Variants in CBLN2 observed in about 807,000 individuals in gnomAD.
CBLN2 encodes the protein cerebellin-2.
In CBLN2, 7 loss-of-function variants were observed where a neutral mutation model predicts 15.0. That is an observed-to-expected ratio of 0.47 (90% CI 0.27 to 0.88). The LOEUF (loss-of-function observed/expected upper bound fraction) is 0.88. CBLN2 is among the 40% of genes least tolerant of loss of function. The pLI is 0.14. For missense variants in CBLN2, 242 were observed against 304.5 expected (o/e 0.79, Z 1.53); for synonymous variants, 149 against 135.2 (o/e 1.10, Z -0.71).
intron 1 of CBLN2, among the ~76,000 whole-genome samples, chr18:72,624,989 GA>G (rs1415783656): frequency 2.6e-5 from 4 of 151,984 alleles, no homozygotes; most frequent in Non-Finnish European, 5.9e-5. Flanking sequence ...GAAAAGTAAA[GA>G]AAAAAACAAA....
intron 1 of CBLN2, among the ~76,000 whole-genome samples, chr18:72,594,173 C>T (rs2069498335): frequency 6.6e-6 from 1 of 152,034 alleles, no homozygotes; most frequent in South Asian, 2.1e-4. Context: ...AAGAGAAATA[C>T]CTAATGTAGA....
intron 1 of CBLN2, among the ~76,000 whole-genome samples, chr18:72,579,725 C>G (rs1443089137): frequency 8.0e-6 from 1 of 125,614 alleles, no homozygotes; most frequent in African/African-American, 2.5e-5. Flanking sequence ...GAGCGAGACT[C>G]CGTCTCGCAA....
intron 1 of CBLN2, among the ~76,000 whole-genome samples, chr18:72,572,480 T>G (rs1377795519): frequency 5.3e-5 from 8 of 152,304 alleles, no homozygotes; most frequent in Non-Finnish European, 1.2e-4. Context: ...ATAATGTGAT[T>G]GTTAAAAGTT....
At chr18:72,591,776 A>C (rs2069481342) in intron 1 of CBLN2, among the ~76,000 whole-genome samples, 1 of 152,086 alleles carries the variant, frequency 6.6e-6, no homozygotes, top group Non-Finnish European at 1.5e-5. Context: ...GGTTTATTTC[A>C]CTTAACGTAA....
Position 72,538,753 on chromosome 18 carries a change from T to G in CBLN2, c.377A>C (p.Asn126Thr). 1 of 1,613,778 alleles carries G rather than the reference T, an allele frequency of 6.2e-7. No individual in the cohort carries two copies. Among genetic ancestry groups the G allele is most frequent in the Non-Finnish European group, 8.5e-7 (1 of 1,179,992 alleles). Residue 126 changes from asparagine to threonine, a missense_variant, in exon 4 of 5, where the codon AAC becomes ACC. Coordinates refer to ENST00000269503, the MANE Select transcript of CBLN2 (RefSeq NM_182511.4). The part of the protein sequence containing the change: ...YFDQVLVNIG[N>T]HFDLASSIFV... ...TATACTGGAAGCAAGATCAAAGTGG[T>G]TGCCAATATTTACTAATACCTGAAA...
intron 1 of CBLN2, among the ~76,000 whole-genome samples, chr18:72,596,510 A>C (rs1420405199): frequency 6.6e-6 from 1 of 152,156 alleles, no homozygotes; most frequent in African/African-American, 2.4e-5. Context: ...CACTATTACC[A>C]GTGAATTTTT....
intron 1 of CBLN2, among the ~76,000 whole-genome samples, chr18:72,608,316 G>T (rs974006366): frequency 6.6e-6 from 1 of 152,116 alleles, no homozygotes; most frequent in Non-Finnish European, 1.5e-5. Flanking sequence ...AGAGTCAGAA[G>T]TTCCTGTCTT....
chr18:72,575,855 A>T (rs2069363151), intron 1 of CBLN2, among the ~76,000 whole-genome samples: 1 of 152,144 alleles, frequency 6.6e-6, no homozygotes. Context: ...TTTGTTTGCC[A>T]ATTGCTGGAG....
At chr18:72,619,091 G>A (rs1460738010) in intron 1 of CBLN2, 10 of 747,702 alleles carry the variant, frequency 1.3e-5, no homozygotes, top group African/African-American at 1.2e-4. Flanking sequence ...GACCCATGAA[G>A]AGAGTAAATT....
intron 1 of CBLN2, among the ~76,000 whole-genome samples, chr18:72,557,612 G>C (rs1260235994): frequency 1.3e-5 from 2 of 152,160 alleles, no homozygotes; most frequent in Non-Finnish European, 2.9e-5. Flanking sequence ...AAAGCACATG[G>C]GTGGAGCTAG....
In CBLN2 at chr18:72,541,998, T is replaced by C; in HGVS notation, c.163A>G (p.Thr55Ala). 1.2e-6 allele frequency: 2 copies of C among 1,603,076 alleles called. No individual in the cohort carries two copies. Among genetic ancestry groups the C allele is most frequent in the Middle Eastern group, 1.9e-4 (1 of 5,292 alleles). Residue 55 changes from threonine to alanine, a missense_variant, in exon 3 of 5, where the codon ACG becomes GCG. Transcript: ENST00000269503. ...TTGCCCTCCAGCACGATGGGCTCCG[T>C]GTCGTTCTGCGCCCGCACGGGGCAG... Reference protein sequence around the residue: ...ACCPVRAQNDTEPIVLEGKCL... With the variant: ...ACCPVRAQNDAEPIVLEGKCL...
At chr18:72,598,735 C>T (rs1437777510) in intron 1 of CBLN2, among the ~76,000 whole-genome samples, 1 of 152,184 alleles carries the variant, frequency 6.6e-6, no homozygotes, top group Non-Finnish European at 1.5e-5. Flanking sequence ...TCTGACCACT[C>T]AGATGGACGA....
At chr18:72,595,177 T>A (rs941203007) in intron 1 of CBLN2, among the ~76,000 whole-genome samples, 1 of 152,072 alleles carries the variant, frequency 6.6e-6, no homozygotes, top group African/African-American at 2.4e-5. Context: ...TGCTATAAAC[T>A]ACTTTCTTAG....
chr18:72,638,251 C>T, intron 1 of CBLN2: 1 of 398,368 alleles, frequency 2.5e-6, no homozygotes, highest in Non-Finnish European at 4.4e-6. Flanking sequence ...TTGTTCATTC[C>T]ACAGTCTTTG....
intron 1 of CBLN2, among the ~76,000 whole-genome samples, chr18:72,586,947 GAT>G (rs751957062): frequency 2.0e-5 from 3 of 150,462 alleles, no homozygotes; most frequent in Admixed American, 6.6e-5. Flanking sequence ...CTATAACTAT[GAT>G]ATATATATAT....
At chr18:72,567,178 C>T (rs1435332330) in intron 1 of CBLN2, among the ~76,000 whole-genome samples, 1 of 152,252 alleles carries the variant, frequency 6.6e-6, no homozygotes, top group Non-Finnish European at 1.5e-5. Flanking sequence ...ATTTGATCAT[C>T]GCACAGTGTG....
intron 1 of CBLN2, among the ~76,000 whole-genome samples, chr18:72,608,973 A>G (rs1186523328): frequency 6.6e-6 from 1 of 152,140 alleles, no homozygotes; most frequent in Non-Finnish European, 1.5e-5. Flanking sequence ...CCATGAGAAC[A>G]ATATGGGAGA....
chr18:72,542,624 C>T (rs925732859), intron 2 of CBLN2, among the ~76,000 whole-genome samples: 1 of 152,100 alleles, frequency 6.6e-6, no homozygotes, highest in Non-Finnish European at 1.5e-5. Flanking sequence ...GAAGGCGTCA[C>T]CGCCACCCCG....
chr18:72,574,186 TA>T (rs555555991), intron 1 of CBLN2, among the ~76,000 whole-genome samples: 40 of 152,348 alleles, frequency 2.6e-4, no homozygotes, highest in African/African-American at 9.1e-4. Flanking sequence ...TGATAATGGC[TA>T]TTTATTAGAT....
Sources: allele counts gnomAD v4.1 joint callset (sites outside exome capture counted in the v4.1 genomes callset), GRCh38; gene constraint gnomAD v4.1.1; transcripts MANE v1.5; gene names NCBI Gene and HGNC (gene_info 2026-07-23, HGNC 2026-07-21).